The following TRIM44 variants were observed in gnomAD, a reference collection of about 807,000 sequenced individuals.
The protein encoded by TRIM44 is tripartite motif-containing protein 44.
TRIM44 carries 13 observed loss-of-function variants against 37.4 expected under a neutral mutation model. The ratio of observed to expected loss-of-function variants is 0.35; its 90% CI spans 0.23 to 0.55. TRIM44 has a LOEUF of 0.55. Ranked by LOEUF, TRIM44 falls within the 20% of genes least tolerant of loss-of-function variation. The pLI, the probability that TRIM44 is intolerant of heterozygous loss-of-function variation, is 0.89. For missense variants in TRIM44, 426 were observed against 437.2 expected, an observed-to-expected ratio of 0.97 and a Z score of 0.23; for synonymous variants, 175 against 157.2, an observed-to-expected ratio of 1.11 and a Z score of -0.85.
chr11:35,699,176 T>C (rs1564959261), intron 2 of TRIM44, among the ~76,000 whole-genome samples: 1 of 151,436 alleles, frequency 6.6e-6, no homozygotes. Flanking sequence ...CATGCTGTTT[T>C]GGTTACTGTA....
Position 35,815,933 on chromosome 11 carries a change from C to G in TRIM44, c.*9548C>G, listed in dbSNP as rs1853576146. 1.3e-5 allele frequency: 2 copies of G among 152,164 alleles called. No homozygotes were observed. The allele number at this position is 152,164 out of a possible 1,614,324, so 9.4% of individuals were successfully genotyped here. ...AAGACAATTTTACAATGACTTACTT[C>G]TAATAATCACTGAAACAGCCTCATG... On this transcript the variant is annotated 3_prime_UTR_variant, in exon 5 of 5. Transcript: ENST00000299413.
chr11:35,764,214 T>A (rs1294820838), intron 4 of TRIM44, among the ~76,000 whole-genome samples: 2 of 152,214 alleles, frequency 1.3e-5, no homozygotes, highest in African/African-American at 4.8e-5. Flanking sequence ...TGTTAACAAC[T>A]CCTGCTCCAA....
At chr11:35,673,600 A>G (rs1277336649) in intron 1 of TRIM44, among the ~76,000 whole-genome samples, 2 of 152,178 alleles carry the variant, frequency 1.3e-5, no homozygotes, top group Admixed American at 1.3e-4. Context: ...AGTGGTCTGA[A>G]CAATCCACTT....
At chr11:35,671,656 G>A (rs1006619063) in intron 1 of TRIM44, among the ~76,000 whole-genome samples, 1 of 152,184 alleles carries the variant, frequency 6.6e-6, no homozygotes, top group African/African-American at 2.4e-5. Context: ...GCCAGAATGA[G>A]CAGAAAAACA....
intron 1 of TRIM44, among the ~76,000 whole-genome samples, chr11:35,674,236 G>C (rs1048124020): frequency 3.9e-5 from 2 of 51,836 alleles, no homozygotes; most frequent in Non-Finnish European, 6.7e-5. Context: ...GAGAATTTGC[G>C]TGTGTGTGTG....
chr11:35,704,673 C>A (rs185113784), intron 2 of TRIM44, among the ~76,000 whole-genome samples: 1 of 151,950 alleles, frequency 6.6e-6, no homozygotes, highest in African/African-American at 2.4e-5. Flanking sequence ...ACTTCATAAG[C>A]GAAGGAGAAA....
At chr11:35,749,374 A>G (rs1331264404) in intron 4 of TRIM44, among the ~76,000 whole-genome samples, 1 of 152,198 alleles carries the variant, frequency 6.6e-6, no homozygotes, top group Admixed American at 6.5e-5. Flanking sequence ...GATATACAAA[A>G]GATAGAATAA....
chr11:35,667,814 G>A (rs1485660194), intron 1 of TRIM44, among the ~76,000 whole-genome samples: 1 of 152,156 alleles, frequency 6.6e-6, no homozygotes, highest in Admixed American at 6.5e-5. Context: ...GGATATCCTT[G>A]ATCCAACTTG....
chr11:35,751,987 C>T (rs1852564235), intron 4 of TRIM44, among the ~76,000 whole-genome samples: 2 of 152,142 alleles, frequency 1.3e-5, no homozygotes, highest in Admixed American at 1.3e-4. Flanking sequence ...TAGAGTAAGA[C>T]CTTCCTGTCC....
intron 1 of TRIM44, among the ~76,000 whole-genome samples, chr11:35,664,622 A>G (rs563275304): frequency 1.3e-5 from 2 of 152,328 alleles, no homozygotes; most frequent in East Asian, 3.9e-4. Context: ...AATAGGGAAT[A>G]GCTGGCATTG....
At chr11:35,775,813 A>G (rs1195104778) in intron 4 of TRIM44, among the ~76,000 whole-genome samples, 1 of 152,180 alleles carries the variant, frequency 6.6e-6, no homozygotes, top group Non-Finnish European at 1.5e-5. Context: ...CATCCCAGGG[A>G]TGAAGCCCAC....
At chr11:35,756,847 G>A (rs1852650462) in intron 4 of TRIM44, among the ~76,000 whole-genome samples, 1 of 152,154 alleles carries the variant, frequency 6.6e-6, no homozygotes, top group Admixed American at 6.5e-5. Flanking sequence ...TGCATCCCAG[G>A]GATGAAGCCC....
At chr11:35,689,497 A>G (rs147508806) in intron 2 of TRIM44, among the ~76,000 whole-genome samples, 6 of 152,256 alleles carry the variant, frequency 3.9e-5, no homozygotes, top group Admixed American at 6.5e-5. Context: ...AATGTGTTTG[A>G]CTTGGTTTAG....
intron 4 of TRIM44, among the ~76,000 whole-genome samples, chr11:35,778,584 T>A (rs1214862837): frequency 6.6e-6 from 1 of 152,148 alleles, no homozygotes; most frequent in East Asian, 1.9e-4. Flanking sequence ...TTTCTCCCCA[T>A]CTTTGTGGTT....
At chr11:35,686,373 T>C (rs1851581485) in intron 2 of TRIM44, among the ~76,000 whole-genome samples, 2 of 150,376 alleles carry the variant, frequency 1.3e-5, no homozygotes, top group South Asian at 4.2e-4. Flanking sequence ...TTTTTGTTTT[T>C]GTTTTTTTTT....
chr11:35,791,965 C>T lies in TRIM44; in HGVS notation c.1008-14393C>T, dbSNP rs138317100. Among the ~76,000 whole-genome samples, 285 of 152,134 alleles carry T rather than the reference C, an allele frequency of 1.9e-3. 1 individual carries two copies. The Middle Eastern group carries it at 0.024, about 13-fold the overall frequency. On this transcript the variant is annotated intron_variant, in intron 4 of 4. Coordinates refer to ENST00000299413, the MANE Select transcript of TRIM44 (RefSeq NM_017583.6). The stretch of plus-strand genomic sequence containing the variant: ...AAAAACAGTTGAATTTAGTTGAGTA[C>T]TCATTAGGCAGCAGGCTGAACACAT...
rs574292246 is a variant in TRIM44 at position 35,725,376 on chromosome 11, C to G, written c.748-548C>G. Among the ~76,000 whole-genome samples the G allele has an allele frequency of 2.1e-3, 321 of 152,206 alleles. 1 individual carries two copies. Among genetic ancestry groups the G allele is most frequent in the African/African-American group, 7.5e-3 (310 of 41,524 alleles). Reference sequence around the variant, plus strand: ...TGAGATGGAGACTTGCTCTGTTGCCCAGGGTGGAGTGCAGTGGTGCGATCT... The same window carrying G: ...TGAGATGGAGACTTGCTCTGTTGCCGAGGGTGGAGTGCAGTGGTGCGATCT... On this transcript the variant is annotated intron_variant, in intron 2 of 4. Transcript: ENST00000299413.
intron 4 of TRIM44, among the ~76,000 whole-genome samples, chr11:35,789,182 G>T (rs1853168852): frequency 6.6e-6 from 1 of 152,156 alleles, no homozygotes; most frequent in Admixed American, 6.5e-5. Context: ...GTTTTAAGTA[G>T]TGAGTGGGTG....
In TRIM44 at chr11:35,785,857, T is replaced by TA. The variant is rs576176338; in HGVS notation, c.1008-20500dup. ...GCATATACTGGATAGTAAAGGTTTC[T>TA]AGTCTCTCAATTGCTGTGCTTATAA... On this transcript the variant is annotated intron_variant, in intron 4 of 4. Transcript: ENST00000299413. Among the ~76,000 whole-genome samples the TA allele has an allele frequency of 4.2e-4, 64 of 152,354 alleles. No homozygotes were observed. In the East Asian group the frequency reaches 0.012, roughly 28 times the overall value.
Sources: allele counts gnomAD v4.1 joint callset (sites outside exome capture counted in the v4.1 genomes callset), GRCh38; gene constraint gnomAD v4.1.1; transcripts MANE v1.5; gene names NCBI Gene and HGNC (gene_info 2026-07-23, HGNC 2026-07-21).